Variants in NAA35 observed in about 807,000 individuals in gnomAD.
NAA35 encodes the protein MAK10 homolog, amino-acid N-acetyltransferase subunit.
A neutral mutation model predicts 101.7 loss-of-function variants in NAA35; 18 were observed. The ratio of observed to expected loss-of-function variants is 0.18; its 90% CI spans 0.12 to 0.26. NAA35 has a LOEUF of 0.26. NAA35 is among the 10% of genes least tolerant of loss of function. NAA35 has a pLI of 1.00. For synonymous variants in NAA35, 267 were observed against 273.1 expected, an observed-to-expected ratio of 0.98 and a Z score of 0.22; for missense variants, 601 against 886.8, an observed-to-expected ratio of 0.68 and a Z score of 4.09.
intron 12 of NAA35, among the ~76,000 whole-genome samples, chr9:85,998,245 T>A (rs1831263509): frequency 6.6e-6 from 1 of 152,114 alleles, no homozygotes; most frequent in Non-Finnish European, 1.5e-5. Context: ...CATGTAAAAA[T>A]GGGATCATGG....
At chr9:86,001,534 C>CT (rs1184969719) in intron 12 of NAA35, among the ~76,000 whole-genome samples, 3 of 152,192 alleles carry the variant, frequency 2.0e-5, no homozygotes, top group Admixed American at 6.6e-5. Flanking sequence ...CTTTGTAGGT[C>CT]TGTAAGAACT....
At chr9:85,956,320 T>A (rs1829272756) in intron 2 of NAA35, 40 bp from the exon 3 acceptor site, 1 of 1,208,300 alleles carries the variant, frequency 8.3e-7, no homozygotes, top group Admixed American at 2.5e-5. Context: ...AAAAGTTAAA[T>A]ATAAATATGT....
chr9:85,943,320 G>A (rs1330522530), intron 2 of NAA35, among the ~76,000 whole-genome samples: 2 of 152,178 alleles, frequency 1.3e-5, no homozygotes, highest in African/African-American at 4.8e-5. Flanking sequence ...AGGAAGGACT[G>A]AAGTTAGGAT....
At chr9:86,006,769 C>G (rs567019108) in intron 13 of NAA35, among the ~76,000 whole-genome samples, 1 of 152,074 alleles carries the variant, frequency 6.6e-6, no homozygotes, top group African/African-American at 2.4e-5. Context: ...AGACTTATAA[C>G]TGTACAACAA....
intron 15 of NAA35, 65 bp from the exon 16 acceptor site, chr9:86,012,981 T>C: frequency 1.8e-6 from 2 of 1,105,078 alleles, no homozygotes; most frequent in Non-Finnish European, 2.5e-6. Context: ...GAACTTGGAA[T>C]GTTAAGTTTC....
intron 11 of NAA35, among the ~76,000 whole-genome samples, chr9:85,993,735 C>T (rs972830357): frequency 2.6e-5 from 4 of 151,640 alleles, no homozygotes; most frequent in African/African-American, 9.8e-5. Context: ...GTTATTTCTC[C>T]AGAGATAAAC....
rs1832725549 is a variant in NAA35, at chr9:86,025,044, T to C, written c.*3084T>C. On this transcript the variant is annotated 3_prime_UTR_variant, in exon 23 of 23. Coordinates refer to ENST00000361671, the MANE Select transcript of NAA35 (RefSeq NM_024635.4). Reference sequence around the variant, plus strand: ...ATACGAGGCCACTCTTTGACAAGTGTGCCTGTTTCACCGTTTTGTTTGCAC... The same window carrying C: ...ATACGAGGCCACTCTTTGACAAGTGCGCCTGTTTCACCGTTTTGTTTGCAC... Among the ~76,000 whole-genome samples the C allele has an allele frequency of 6.6e-6, 1 of 152,208 alleles. No individual in the cohort carries two copies. Among genetic ancestry groups the C allele is most frequent in the South Asian group, 2.1e-4 (1 of 4,834 alleles).
Position 86,013,748 on chromosome 9 carries a change from C to A in NAA35, c.1419C>A (p.Thr473=), listed in dbSNP as rs777057550. The part of the protein sequence containing the change: ...EAEKVDAALH[T]MLLKQEPQRQ... ...AGAAGGTTGATGCAGCGCTTCACAC[C>A]ATGCTGTTGAAACAGGAACCCCAAA... Residue 473 remains threonine, a synonymous_variant, in exon 17 of 23, where the codon ACC becomes ACA. Transcript: ENST00000361671. 1 of 1,614,010 alleles carries A rather than the reference C, an allele frequency of 6.2e-7. No homozygotes were observed. The highest frequency in any genetic ancestry group is 8.5e-7 in the Non-Finnish European group (1 of 1,179,948).
At chr9:85,989,497 A>C (rs1408625053) in intron 11 of NAA35, among the ~76,000 whole-genome samples, 1 of 152,096 alleles carries the variant, frequency 6.6e-6, no homozygotes, top group Non-Finnish European at 1.5e-5. Context: ...AAACAAAAAA[A>C]AACAAAGACA....
At chr9:85,988,208 TATC>T (rs1361059764) in intron 11 of NAA35, among the ~76,000 whole-genome samples, 3 of 152,274 alleles carry the variant, frequency 2.0e-5, no homozygotes, top group East Asian at 3.9e-4. Context: ...CCTTCAGTGA[TATC>T]ATAATCAAAA....
At position 86,003,617 on chromosome 9, in the gene NAA35, A is replaced by G. The variant is rs368635627; in HGVS notation, c.1089A>G (p.Pro363=). ...TCTGTGAATTTAGTGAACAGTCACC[A>G]TGTGTTCTTTCAAGATCTCTGTTAC... The part of the protein sequence containing the change: ...DFFCEFSEQS[P]CVLSRSLLQT... The change falls in exon 13 of 23, where the codon CCA becomes CCG. Residue 363 remains proline, a synonymous_variant. Transcript: ENST00000361671. 48 of 1,598,460 alleles carry G rather than the reference A, an allele frequency of 3.0e-5. No homozygotes were observed. Among genetic ancestry groups the G allele is most frequent in the Non-Finnish European group, 4.0e-5 (47 of 1,170,508 alleles).
Position 85,942,217 on chromosome 9 carries a change from G to GA in NAA35, c.64dup (p.Met22AsnfsTer16). 1 of 1,614,096 alleles carries GA rather than the reference G, an allele frequency of 6.2e-7. No homozygotes were observed. Among genetic ancestry groups the GA allele is most frequent in the Non-Finnish European group, 8.5e-7 (1 of 1,179,996 alleles). On this transcript the variant is annotated frameshift_variant, in exon 2 of 23. Transcript: ENST00000361671. LOFTEE classifies it high-confidence loss of function. ...TTCAGGATGGGAGCTCAGTATGCCA[G>GA]AAAAAATGGAGAAAAGCAATACAAA...
intron 2 of NAA35, among the ~76,000 whole-genome samples, chr9:85,952,298 T>C (rs1369721650): frequency 1.3e-5 from 2 of 151,712 alleles, no homozygotes; most frequent in Non-Finnish European, 2.9e-5. Flanking sequence ...GTTTTTTTTT[T>C]TTTTGAGACG....
At chr9:86,014,790 A>G (rs1832120601) in intron 17 of NAA35, among the ~76,000 whole-genome samples, 1 of 152,246 alleles carries the variant, frequency 6.6e-6, no homozygotes, top group Admixed American at 6.5e-5. Flanking sequence ...AGCATCAACT[A>G]TAGCAGTATG....
Position 85,948,976 on chromosome 9 carries a change from C to T in NAA35, c.124+6693C>T, listed in dbSNP as rs1457147100. On this transcript the variant is annotated intron_variant, in intron 2 of 22. Coordinates refer to ENST00000361671, the MANE Select transcript of NAA35 (RefSeq NM_024635.4). ...TTCGCCCTGTTGGCCAGCCAGGTCT[C>T]GAACTCATGACCTCGGGTGATCCAC... Among the ~76,000 whole-genome samples the T allele has an allele frequency of 3.9e-5, 6 of 152,238 alleles. 1 individual carries two copies. The highest frequency in any genetic ancestry group is 3.3e-4 in the Admixed American group (5 of 15,294).
chr9:85,955,301 T>C (rs1294508879), intron 2 of NAA35, among the ~76,000 whole-genome samples: 3 of 144,770 alleles, frequency 2.1e-5, no homozygotes, highest in Non-Finnish European at 3.0e-5. Flanking sequence ...TTTTTACACC[T>C]TCCACAGGAT....
intron 11 of NAA35, among the ~76,000 whole-genome samples, chr9:85,995,843 C>T (rs1250237186): frequency 6.6e-6 from 1 of 152,126 alleles, no homozygotes; most frequent in African/African-American, 2.4e-5. Context: ...AGGTGTCTTA[C>T]AATACTGTCT....
chr9:85,964,128 C>CT (rs61142742), intron 6 of NAA35, among the ~76,000 whole-genome samples: 1,357 of 123,934 alleles, frequency 0.011, 13 homozygotes, highest in East Asian at 0.015. Context: ...ACTTCTTAGT[C>CT]TTTTTTTTTT....
chr9:85,985,026 G>C (rs1355445662), intron 11 of NAA35, among the ~76,000 whole-genome samples: 2 of 152,136 alleles, frequency 1.3e-5, no homozygotes, highest in Non-Finnish European at 2.9e-5. Flanking sequence ...GATAAGATTT[G>C]CAAATGGACA....
Sources: allele counts gnomAD v4.1 joint callset (sites outside exome capture counted in the v4.1 genomes callset), GRCh38; gene constraint gnomAD v4.1.1; transcripts MANE v1.5; gene names NCBI Gene and HGNC (gene_info 2026-07-23, HGNC 2026-07-21).